CCDC191: variants seen among roughly 807,000 people sequenced by gnomAD.
The protein encoded by CCDC191 is coiled-coil domain-containing protein 191.
In CCDC191, 99 loss-of-function variants were observed where a neutral mutation model predicts 114.0. The ratio of observed to expected loss-of-function variants is 0.87; its 90% CI spans 0.74 to 1.03. The LOEUF is 1.03. CCDC191 is among the 50% of genes least tolerant of loss of function. CCDC191 has a pLI of 0.00. For synonymous variants in CCDC191, 351 were observed against 376.0 expected (o/e 0.93, Z 0.77); for missense variants, 973 against 1,087.0 (o/e 0.90, Z 1.47).
rs964368031 is a variant in CCDC191, at chr3:114,001,235, T to C, written c.2163+360A>G. Among the ~76,000 whole-genome samples, 4 of 152,290 alleles carry C rather than the reference T, an allele frequency of 2.6e-5. No homozygotes were observed. The South Asian group carries it at 8.3e-4, about 32-fold the overall frequency. On this transcript the variant is annotated intron_variant, in intron 13 of 16. Transcript: ENST00000295878. ...ACTGTTCCCTTAACCCTTATGGAGATCACAGTTTAGTTGGGGATGTAGAAA... is the reference window on the plus strand; with the variant it reads ...ACTGTTCCCTTAACCCTTATGGAGACCACAGTTTAGTTGGGGATGTAGAAA...
At chr3:114,056,540 G>A (rs764956708), upstream of CCDC191, 2 of 1,609,904 alleles carry the variant, frequency 1.2e-6, no homozygotes, top group South Asian at 1.1e-5. Context: ...TCCGGGTCAC[G>A]CTGGGAATTG....
At chr3:114,054,404 G>A (rs112300175) in intron 1 of CCDC191, among the ~76,000 whole-genome samples, 2,966 of 152,190 alleles carry the variant, frequency 0.019, 87 homozygotes, top group East Asian at 0.08. Context: ...AGGCCAAGGC[G>A]GGCAGATCAC....
intron 7 of CCDC191, among the ~76,000 whole-genome samples, chr3:114,028,490 TTAGCCAGGATGGTCTCGATC>T (rs2076357487): frequency 6.6e-6 from 1 of 151,924 alleles, no homozygotes; most frequent in African/African-American, 2.4e-5. Flanking sequence ...TTTCACCGTG[TTAGCCAGGATGGTCTCGATC>T]TCCTGACCTC....
At chr3:114,020,978 T>G (rs1396398265) in intron 7 of CCDC191, among the ~76,000 whole-genome samples, 1 of 152,158 alleles carries the variant, frequency 6.6e-6, no homozygotes, top group African/African-American at 2.4e-5. Flanking sequence ...TATTATGATT[T>G]ACTTCACCAA....
chr3:114,021,378 G>A (rs1259250909), intron 7 of CCDC191, among the ~76,000 whole-genome samples: 1 of 151,898 alleles, frequency 6.6e-6, no homozygotes, highest in Non-Finnish European at 1.5e-5. Context: ...AACCTGTATG[G>A]CAACTACTTT....
At chr3:114,026,392 C>T (rs1355457722) in intron 7 of CCDC191, among the ~76,000 whole-genome samples, 1 of 152,246 alleles carries the variant, frequency 6.6e-6, no homozygotes, top group Non-Finnish European at 1.5e-5. Flanking sequence ...ACATATACCA[C>T]ACATTGCCCT....
intron 4 of CCDC191, among the ~76,000 whole-genome samples, chr3:114,041,472 T>A (rs146047497): frequency 6.6e-6 from 1 of 152,326 alleles, no homozygotes; most frequent in African/African-American, 2.4e-5. Context: ...CGGAAACTTC[T>A]ATGAGAATTA....
chr3:114,027,611 AAAAAAAAAAAAG>A (rs1248606909), intron 7 of CCDC191, among the ~76,000 whole-genome samples: 9 of 147,934 alleles, frequency 6.1e-5, no homozygotes, highest in Non-Finnish European at 1.0e-4. Context: ...CAAAAAAAAA[AAAAAAAAAAAAG>A]AAAAAAAAAT....
At chr3:113,988,428 A>C (rs1353107617) in intron 13 of CCDC191, among the ~76,000 whole-genome samples, 2 of 152,108 alleles carry the variant, frequency 1.3e-5, no homozygotes, top group East Asian at 3.9e-4. Context: ...GGAGTTCGAG[A>C]CCAGCCTGAC....
rs948300467 is a variant in CCDC191 at position 113,964,293 on chromosome 3, T to G, written c.*862A>C. The G allele has an allele frequency of 2.6e-5, 4 of 152,236 alleles. No individual in the cohort carries two copies. Among genetic ancestry groups the G allele is most frequent in the African/African-American group, 9.6e-5 (4 of 41,458 alleles). 9.4% of individuals were successfully genotyped at this position (152,236 alleles called of 1,614,324 possible). On this transcript the variant is annotated 3_prime_UTR_variant, in exon 17 of 17. Coordinates refer to ENST00000295878, the MANE Select transcript of CCDC191 (RefSeq NM_020817.2). The stretch of plus-strand genomic sequence containing the variant: ...TATATAATAAATGTGTATTTTATAA[T>G]GAAAAATTATTTTTCTAGCAGGTAA...
At chr3:114,011,070 G>T (rs767238753) in intron 8 of CCDC191, 49 bp from the exon 9 acceptor site, 1 of 1,548,466 alleles carries the variant, frequency 6.5e-7, no homozygotes, top group Non-Finnish European at 8.7e-7. Context: ...TTTACAGTTT[G>T]TTAATTGATA....
intron 7 of CCDC191, among the ~76,000 whole-genome samples, chr3:114,021,664 T>C (rs2076246042): frequency 6.6e-6 from 1 of 152,094 alleles, no homozygotes; most frequent in African/African-American, 2.4e-5. Flanking sequence ...AACTATTTAT[T>C]CTTTCTATTC....
chr3:113,991,269 CA>C (rs1290286446), intron 13 of CCDC191, among the ~76,000 whole-genome samples: 103 of 131,892 alleles, frequency 7.8e-4, no homozygotes, highest in South Asian at 3.4e-3. Flanking sequence ...CCCCCCCCCC[CA>C]AAAACCAATT....
Position 114,031,706 on chromosome 3 carries a change from G to C in CCDC191, c.892C>G (p.Pro298Ala). The change falls in exon 7 of 17, where the codon CCA becomes GCA. Residue 298 changes from proline (P) to alanine (A), a missense_variant. Transcript: ENST00000295878. Reference protein sequence around the residue: ...KVMFQSTHILPDEEKMVKERK... With the variant: ...KVMFQSTHILADEEKMVKERK... ...TCCTTCACCATTTTTTCCTCATCTG[G>C]AAGAATGTGAGTACTTTGAAACATG... 1 of 1,573,706 alleles carries C rather than the reference G, an allele frequency of 6.4e-7. No individual in the cohort carries two copies. Among genetic ancestry groups the C allele is most frequent in the Non-Finnish European group, 8.7e-7 (1 of 1,143,792 alleles).
Position 114,042,851 on chromosome 3 carries a change from A to C in CCDC191, c.272-5T>G. On this transcript the variant is annotated splice_polypyrimidine_tract_variant and splice_region_variant and intron_variant, in intron 3 of 16. Transcript: ENST00000295878. ...AGTCATTGACCAGCTCCTGAGCTAC[A>C]ATAAAACAAAAACATGTTAAGTATT... is the stretch of plus-strand genomic sequence containing the variant. 6.3e-7 allele frequency: 1 copy of C among 1,583,484 alleles called. No homozygotes were observed. Among genetic ancestry groups the C allele is most frequent in the Non-Finnish European group, 8.5e-7 (1 of 1,170,770 alleles).
chr3:114,040,795 A>G (rs949736502), intron 4 of CCDC191, among the ~76,000 whole-genome samples: 1 of 152,118 alleles, frequency 6.6e-6, no homozygotes, highest in Admixed American at 6.6e-5. Context: ...TTCCTGATAA[A>G]GCTTACACTT....
At chr3:114,026,520 C>T (rs1577441804) in intron 7 of CCDC191, among the ~76,000 whole-genome samples, 1 of 152,296 alleles carries the variant, frequency 6.6e-6, no homozygotes, top group Admixed American at 6.5e-5. Flanking sequence ...TTTCCCTCCC[C>T]TAACATAAGA....
At chr3:114,006,611 T>TATATATATAA (rs1553747190) in intron 9 of CCDC191, among the ~76,000 whole-genome samples, 1 of 125,872 alleles carries the variant, frequency 7.9e-6, no homozygotes, top group Non-Finnish European at 1.7e-5. Context: ...TATATATATA[T>TATATATATAA]ATATATAAAT....
intron 9 of CCDC191, 156 bp from the exon 10 acceptor site, chr3:114,006,118 C>T: frequency 1.4e-6 from 1 of 723,048 alleles, no homozygotes; most frequent in Non-Finnish European, 2.5e-6. Context: ...CCTCAGAGGC[C>T]ACCACTCTTA....
Sources: gnomAD v4.1 joint callset for allele counts (sites outside exome capture counted in the v4.1 genomes callset) on GRCh38, gnomAD v4.1.1 for gene constraint, MANE v1.5 for transcripts, NCBI Gene and HGNC (gene_info 2026-07-23, HGNC 2026-07-21) for gene names.